BEND7: variants seen among roughly 807,000 people sequenced by gnomAD.
BEND7 encodes BEN domain containing 7.
BEND7 carries 28 observed loss-of-function variants against 50.9 expected under a neutral mutation model. The ratio of observed to expected loss-of-function variants is 0.55; its 90% CI spans 0.41 to 0.75. The LOEUF is 0.75. BEND7 is among the 30% of genes least tolerant of loss of function. The probability of loss-of-function intolerance (pLI) is 0.00; values close to 1 mark genes in which losing one functional copy is unlikely to be tolerated. For missense variants in BEND7, 477 were observed against 491.3 expected, an observed-to-expected ratio of 0.97 and a Z score of 0.28; for synonymous variants, 170 against 183.9, an observed-to-expected ratio of 0.92 and a Z score of 0.61.
chr10:13,515,453 T>C (rs975048112), intron 2 of BEND7, among the ~76,000 whole-genome samples: 1 of 152,230 alleles, frequency 6.6e-6, no homozygotes, highest in South Asian at 2.1e-4. Context: ...TTTCTGCATG[T>C]TTGAAAAACA....
chr10:13,484,146 C>T (rs1010390315), intron 5 of BEND7, among the ~76,000 whole-genome samples: 14 of 152,178 alleles, frequency 9.2e-5, no homozygotes, highest in Admixed American at 7.2e-4. Flanking sequence ...GTGGTGGCAG[C>T]GGCAGCCGGG....
intron 6 of BEND7, among the ~76,000 whole-genome samples, chr10:13,468,593 A>G (rs1297700239): frequency 1.3e-5 from 2 of 152,208 alleles, no homozygotes; most frequent in Non-Finnish European, 2.9e-5. Context: ...GTTAGGATAC[A>G]TTAGGAACTG....
In BEND7 at chr10:13,519,812, G is replaced by T. The variant is rs751605143; in HGVS notation, c.145+6326C>A. On this transcript the variant is annotated intron_variant, in intron 2 of 8. Transcript: ENST00000466271. ...TTGAATTGAGCTTTAAAAACCGATA[G>T]GAGAGACAGGATTTTACTAGAAGGA... Among the ~76,000 whole-genome samples the T allele has an allele frequency of 5.1e-4, 77 of 152,198 alleles. 2 individuals carry two copies. Among genetic ancestry groups the T allele is most frequent in the Non-Finnish European group, 1.6e-4 (11 of 68,034 alleles).
At chr10:13,508,575 C>T (rs2078060820) in intron 2 of BEND7, among the ~76,000 whole-genome samples, 1 of 152,178 alleles carries the variant, frequency 6.6e-6, no homozygotes, top group African/African-American at 2.4e-5. Flanking sequence ...TATATCTCCA[C>T]GTGCTTGAGG....
At chr10:13,453,043 T>A (rs7092928) in intron 6 of BEND7, among the ~76,000 whole-genome samples, 14 of 152,198 alleles carry the variant, frequency 9.2e-5, no homozygotes, top group Middle Eastern at 3.4e-3. Context: ...CAATTCAAAA[T>A]TGAACGCAAA....
chr10:13,504,436 T>C (rs1241707635), intron 2 of BEND7, among the ~76,000 whole-genome samples: 1 of 152,186 alleles, frequency 6.6e-6, no homozygotes, highest in Admixed American at 6.5e-5. Flanking sequence ...CCAAGCACTT[T>C]GTGGCTCTAG....
intron 6 of BEND7, among the ~76,000 whole-genome samples, chr10:13,474,123 G>A (rs986869338): frequency 6.6e-6 from 1 of 151,924 alleles, no homozygotes; most frequent in African/African-American, 2.4e-5. Context: ...ACTCAGGGCC[G>A]ATATCCATCA....
chr10:13,502,654 C>T (rs1040886141), intron 2 of BEND7, among the ~76,000 whole-genome samples: 3 of 152,124 alleles, frequency 2.0e-5, no homozygotes, highest in East Asian at 3.9e-4. Context: ...CATACGTTCC[C>T]GGCTAGTTAA....
intron 2 of BEND7, among the ~76,000 whole-genome samples, chr10:13,508,327 C>CT (rs1321355772): frequency 1.3e-5 from 2 of 152,170 alleles, no homozygotes; most frequent in Admixed American, 6.6e-5. Flanking sequence ...CAAACAAGTC[C>CT]TTTTTTTCCC....
intron 2 of BEND7, among the ~76,000 whole-genome samples, chr10:13,502,546 G>A (rs1468310615): frequency 6.6e-6 from 1 of 152,118 alleles, no homozygotes; most frequent in Non-Finnish European, 1.5e-5. Flanking sequence ...CTACTTTCTC[G>A]AGAGGCTACG....
At chr10:13,476,816 C>T (rs2075480302) in intron 6 of BEND7, among the ~76,000 whole-genome samples, 1 of 152,174 alleles carries the variant, frequency 6.6e-6, no homozygotes, top group Non-Finnish European at 1.5e-5. Context: ...GCCTAAGACT[C>T]TACTTGGTAA....
chr10:13,473,684 G>C (rs899622308), intron 6 of BEND7, among the ~76,000 whole-genome samples: 1 of 150,266 alleles, frequency 6.7e-6, no homozygotes, highest in African/African-American at 2.5e-5. Context: ...TGTTGGACTC[G>C]GGGCCGACAT....
chr10:13,496,903 AAAG>A lies in BEND7; in HGVS notation c.449-18_449-16del, dbSNP rs765602890. ...TGGAAGTTCTCCTGAGCATGAAAGA[AAAG>A]AATGACATACTCCAAACAAACCAAA... is the stretch of plus-strand genomic sequence containing the variant. On this transcript the variant is annotated splice_polypyrimidine_tract_variant and intron_variant, in intron 3 of 8. Transcript: ENST00000466271. The A allele has an allele frequency of 6.3e-7, 1 of 1,591,352 alleles. No individual in the cohort carries two copies. Among genetic ancestry groups the A allele is most frequent in the Non-Finnish European group, 8.5e-7 (1 of 1,174,724 alleles).
intron 6 of BEND7, among the ~76,000 whole-genome samples, chr10:13,468,906 G>T (rs946187399): frequency 6.6e-6 from 1 of 152,272 alleles, no homozygotes; most frequent in East Asian, 1.9e-4. Context: ...CAAGATGACT[G>T]CTGTGTGGGT....
intron 5 of BEND7, among the ~76,000 whole-genome samples, chr10:13,484,275 C>T (rs1419765793): frequency 1.3e-5 from 2 of 152,158 alleles, no homozygotes; most frequent in African/African-American, 4.8e-5. Context: ...CGCAAGGCAA[C>T]AACGCCTTAA....
chr10:13,496,480 A>C (rs1344050828), intron 4 of BEND7, among the ~76,000 whole-genome samples: 1 of 152,228 alleles, frequency 6.6e-6, no homozygotes, highest in Non-Finnish European at 1.5e-5. Context: ...TTGTTCCCAA[A>C]TTTAATTAAC....
chr10:13,480,659 A>C (rs1324973583), intron 6 of BEND7: 1 of 985,032 alleles, frequency 1.0e-6, no homozygotes, highest in Non-Finnish European at 1.2e-6. Context: ...ATTCTGCAGC[A>C]GGTCAAACTG....
intron 6 of BEND7, among the ~76,000 whole-genome samples, chr10:13,471,856 C>G (rs1338266512): frequency 1.3e-5 from 2 of 152,264 alleles, no homozygotes; most frequent in African/African-American, 2.4e-5. Flanking sequence ...CCATCCCCAT[C>G]ATCGCTATTA....
Position 13,500,007 on chromosome 10 carries a change from G to A in BEND7, c.219C>T (p.Ile73=). The A allele has an allele frequency of 6.2e-7, 1 of 1,614,160 alleles. No individual in the cohort carries two copies. The highest frequency in any genetic ancestry group is 8.5e-7 in the Non-Finnish European group (1 of 1,180,016). ...RRLLNDSTGR[I]YQRVGKEGEK... is the part of the protein sequence containing the mutation. ...CTCCTTCTTTGCCAACTCGCTGATA[G>A]ATCCGCCCAGTGCTGTCGTTCAGCA... The change falls in exon 3 of 9, where the codon ATC becomes ATT. Residue 73 remains isoleucine, a synonymous_variant. Coordinates refer to ENST00000466271, the MANE Select transcript of BEND7 (RefSeq NM_001369863.1).
Sources: allele counts gnomAD v4.1 joint callset (sites outside exome capture counted in the v4.1 genomes callset), GRCh38; gene constraint gnomAD v4.1.1; transcripts MANE v1.5; gene names NCBI Gene and HGNC (gene_info 2026-07-23, HGNC 2026-07-21).